The following STAU2 variants were observed in gnomAD, a reference collection of about 807,000 sequenced individuals.
STAU2 encodes the protein double-stranded RNA-binding protein Staufen homolog 2.
STAU2 carries 20 observed loss-of-function variants against 65.9 expected under a neutral mutation model. That is an observed-to-expected ratio of 0.30 (90% CI 0.21 to 0.44). STAU2 has a LOEUF of 0.44. Among genes scored for constraint, STAU2 ranks in the 20% least tolerant of loss-of-function variants. The pLI, the probability that STAU2 is intolerant of heterozygous loss-of-function variation, is 1.00. For synonymous variants in STAU2, 232 were observed against 233.9 expected (o/e 0.99, Z 0.07); for missense variants, 558 against 683.9 (o/e 0.82, Z 2.05).
At chr8:73,703,994 T>G (rs567769637) in intron 4 of STAU2, among the ~76,000 whole-genome samples, 32 of 152,346 alleles carry the variant, frequency 2.1e-4, no homozygotes, top group African/African-American at 7.2e-4. Flanking sequence ...CTCTCATGAC[T>G]CTTTACTACA....
chr8:73,532,724 G>A (rs1276278012), intron 13 of STAU2, among the ~76,000 whole-genome samples: 1 of 152,146 alleles, frequency 6.6e-6, no homozygotes, highest in African/African-American at 2.4e-5. Flanking sequence ...TCACCTATGA[G>A]GCTTCATCTA....
chr8:73,628,367 C>T (rs1813844231), intron 6 of STAU2, among the ~76,000 whole-genome samples: 1 of 152,096 alleles, frequency 6.6e-6, no homozygotes, highest in Admixed American at 6.5e-5. Context: ...TCACTGTGCC[C>T]AGCCACTTTT....
intron 11 of STAU2, chr8:73,590,453 G>A (rs921166959): frequency 1.3e-5 from 2 of 152,060 alleles, no homozygotes; most frequent in Non-Finnish European, 2.9e-5. Context: ...AAAGAAACAG[G>A]AAACCCAGAA....
intron 10 of STAU2, among the ~76,000 whole-genome samples, chr8:73,602,110 CA>C (rs147333492): frequency 1.3e-5 from 2 of 150,096 alleles, no homozygotes; most frequent in African/African-American, 2.4e-5. Context: ...TTAACATCTC[CA>C]AAAAAAAACC....
intron 6 of STAU2, among the ~76,000 whole-genome samples, chr8:73,670,084 T>C (rs1395083994): frequency 1.3e-5 from 2 of 152,192 alleles, no homozygotes; most frequent in Admixed American, 1.3e-4. Context: ...AGTGGGCAAC[T>C]AGCTTTATTT....
chr8:73,459,454 C>G (rs915752453), intron 13 of STAU2, among the ~76,000 whole-genome samples: 1 of 152,154 alleles, frequency 6.6e-6, no homozygotes, highest in Non-Finnish European at 1.5e-5. Flanking sequence ...ATTCTGAGAG[C>G]CATCTTGAAT....
intron 13 of STAU2, among the ~76,000 whole-genome samples, chr8:73,521,433 C>T (rs1006899570): frequency 8.5e-5 from 13 of 152,216 alleles, no homozygotes; most frequent in East Asian, 3.9e-4. Flanking sequence ...AAATAATGTA[C>T]GGAGAGCCTA....
intron 13 of STAU2, chr8:73,550,273 C>T (rs991309355): frequency 7.4e-5 from 73 of 984,832 alleles, no homozygotes; most frequent in Non-Finnish European, 8.6e-5. Flanking sequence ...TTTAAAAAGG[C>T]CTTAGCAATG....
intron 13 of STAU2, among the ~76,000 whole-genome samples, chr8:73,460,640 A>G (rs2128899477): frequency 6.6e-6 from 1 of 152,260 alleles, no homozygotes; most frequent in Non-Finnish European, 1.5e-5. Flanking sequence ...TCTAGACTTG[A>G]GCTGTCTTGT....
chr8:73,503,454 T>A (rs183200355), intron 13 of STAU2, among the ~76,000 whole-genome samples: 1 of 152,210 alleles, frequency 6.6e-6, no homozygotes, highest in East Asian at 1.9e-4. Flanking sequence ...AAATAGGGTT[T>A]CTTTTCATGG....
chr8:73,575,518 T>C (rs547521682), intron 12 of STAU2, among the ~76,000 whole-genome samples: 48 of 152,234 alleles, frequency 3.2e-4, no homozygotes, highest in Non-Finnish European at 6.5e-4. Flanking sequence ...ACCACATACG[T>C]AAAATTACTT....
At chr8:73,721,822 T>G (rs1240410621) in intron 3 of STAU2, among the ~76,000 whole-genome samples, 1 of 152,222 alleles carries the variant, frequency 6.6e-6, no homozygotes, top group East Asian at 1.9e-4. Context: ...AAGCATATAG[T>G]TGGATCTTGC....
intron 13 of STAU2, among the ~76,000 whole-genome samples, chr8:73,477,541 G>A (rs557331815): frequency 1.4e-4 from 21 of 152,328 alleles, no homozygotes; most frequent in Admixed American, 1.2e-3. Flanking sequence ...GGAATGATAT[G>A]AACAGCCTTG....
chr8:73,549,090 C>G (rs1281248023), intron 13 of STAU2, among the ~76,000 whole-genome samples: 1 of 152,050 alleles, frequency 6.6e-6, no homozygotes, highest in East Asian at 1.9e-4. Context: ...GATTTTGAAA[C>G]ATTTTGCCAT....
intron 13 of STAU2, among the ~76,000 whole-genome samples, chr8:73,508,911 C>T (rs1398117796): frequency 1.3e-5 from 2 of 152,234 alleles, no homozygotes; most frequent in African/African-American, 4.8e-5. Flanking sequence ...AGTTGATGGA[C>T]ATTTGAATTG....
chr8:73,500,769 C>T (rs1006646814), intron 13 of STAU2, among the ~76,000 whole-genome samples: 3 of 151,732 alleles, frequency 2.0e-5, no homozygotes, highest in Non-Finnish European at 4.4e-5. Flanking sequence ...TCAATGTCTC[C>T]TGTTTTATTA....
At chr8:73,518,922 C>A (rs1228079788) in intron 13 of STAU2, among the ~76,000 whole-genome samples, 1 of 151,972 alleles carries the variant, frequency 6.6e-6, no homozygotes, top group African/African-American at 2.4e-5. Flanking sequence ...GAGGGAGGAC[C>A]ATTTTGAAAT....
At chr8:73,621,815 C>A (rs1258778595) in intron 6 of STAU2, among the ~76,000 whole-genome samples, 1 of 152,190 alleles carries the variant, frequency 6.6e-6, no homozygotes, top group Non-Finnish European at 1.5e-5. Context: ...AGCTGCCCTG[C>A]TGACTCTCTG....
At chr8:73,569,989 T>G (rs1204999546) in intron 12 of STAU2, among the ~76,000 whole-genome samples, 1 of 152,200 alleles carries the variant, frequency 6.6e-6, no homozygotes, top group Non-Finnish European at 1.5e-5. Flanking sequence ...AGAAGAAGGC[T>G]TCAGATGATT....
Sources: allele counts gnomAD v4.1 joint callset (sites outside exome capture counted in the v4.1 genomes callset), GRCh38; gene constraint gnomAD v4.1.1; transcripts MANE v1.5; gene names NCBI Gene and HGNC (gene_info 2026-07-23, HGNC 2026-07-21).